ZNF471: variants seen among roughly 807,000 people sequenced by gnomAD.
ZNF471 encodes EZFIT-related protein 1.
In ZNF471, 7 loss-of-function variants were observed where a neutral mutation model predicts 13.7. The ratio of observed to expected loss-of-function variants is 0.51; its 90% CI spans 0.29 to 0.96. The LOEUF (loss-of-function observed/expected upper bound fraction) is 0.96. ZNF471 is among the 40% of genes least tolerant of loss of function. ZNF471 has a pLI of 0.08. For synonymous variants in ZNF471, 218 were observed against 235.6 expected, an observed-to-expected ratio of 0.93 and a Z score of 0.68; for missense variants, 663 against 743.3, an observed-to-expected ratio of 0.89 and a Z score of 1.26.
At chr19:56,509,228 A>G (rs1476101606) in intron 1 of ZNF471, among the ~76,000 whole-genome samples, 1 of 152,162 alleles carries the variant, frequency 6.6e-6, no homozygotes, top group Non-Finnish European at 1.5e-5. Flanking sequence ...ACTGATCATC[A>G]GTGGTCAGTG....
In ZNF471 at chr19:56,516,122, C is replaced by G. The variant is rs1386209514; in HGVS notation, c.34-153C>G. On this transcript the variant is annotated intron_variant, in intron 2 of 4. Transcript: ENST00000308031. This position sits in a 1 kb window ranked among gnomAD's most constrained non-coding sequence, Gnocchi z 4.4. ...CCATTGTACCCAATGCAGTTAAACA[C>G]TTCCATAAGTACTGTTTTGGCTTGG... Among the ~76,000 whole-genome samples the G allele has an allele frequency of 6.6e-6, 1 of 152,196 alleles. No individual in the cohort carries two copies. The highest frequency in any genetic ancestry group is 1.5e-5 in the Non-Finnish European group (1 of 68,044).
intron 4 of ZNF471, among the ~76,000 whole-genome samples, chr19:56,523,586 G>A (rs2044002796): frequency 6.6e-6 from 1 of 152,128 alleles, no homozygotes; most frequent in African/African-American, 2.4e-5. Flanking sequence ...ATAATCACAA[G>A]CCATAGGGTA....
At position 56,516,300 on chromosome 19, in the gene ZNF471, C is replaced by A. The variant is rs2043888249; in HGVS notation, c.59C>A (p.Ala20Glu). 2 of 1,613,620 alleles carry A rather than the reference C, an allele frequency of 1.2e-6. No individual in the cohort carries two copies. Among genetic ancestry groups the A allele is most frequent in the South Asian group, 1.1e-5 (1 of 91,080 alleles). The change falls in exon 3 of 5, where the codon GCA (alanine) becomes GAA (glutamate). Residue 20 changes from alanine (A) to glutamate (E), a missense_variant. Ala to Glu is a moderately radical substitution (Grantham distance 107, BLOSUM62 -1). Transcript: ENST00000308031. This position sits in a 1 kb window ranked among gnomAD's most constrained non-coding sequence, Gnocchi z 4.4. Reference protein sequence around the residue: ...PQDLVTFKDVAIDFSQEEWQW... With the variant: ...PQDLVTFKDVEIDFSQEEWQW... Reference sequence around the variant, plus strand: ...GACTTAGTGACATTCAAGGATGTGGCAATAGATTTTTCCCAGGAAGAATGG... The same window carrying A: ...GACTTAGTGACATTCAAGGATGTGGAAATAGATTTTTCCCAGGAAGAATGG...
chr19:56,516,582 C>A lies in ZNF471; in HGVS notation c.160+181C>A, dbSNP rs568413254. 2.6e-5 allele frequency among the ~76,000 whole-genome samples: 4 copies of A among 152,132 alleles called. No homozygotes were observed. Among genetic ancestry groups the A allele is most frequent in the African/African-American group, 7.2e-5 (3 of 41,432 alleles). On this transcript the variant is annotated intron_variant, in intron 3 of 4. Transcript: ENST00000308031. The surrounding 1 kb of genome is among the most constrained non-coding windows in gnomAD (Gnocchi z 4.4). ...TAGAGTTAGTGAATTTGGAGAATAT[C>A]AAATATTCCATGCATACACCCTTAA...
Position 56,518,468 on chromosome 19 carries a change from T to G in ZNF471, c.161-14T>G, listed in dbSNP as rs10416032. 423,135 of 1,604,138 alleles carry G rather than the reference T, an allele frequency of 0.26. 58,508 individuals are homozygous for G. The highest frequency in any genetic ancestry group is 0.5 in the East Asian group (22,206 of 44,762). On this transcript the variant is annotated splice_polypyrimidine_tract_variant and intron_variant, in intron 3 of 4. Transcript: ENST00000308031. The stretch of plus-strand genomic sequence containing the variant: ...AAAACATGACCAATTTTCATGTCTT[T>G]TTTTTATATGTAGGTCTTTGCATTT...
rs981919566 is a variant in ZNF471, at chr19:56,508,249, G to A, written c.-56+329G>A. ...GGTTTCTGTGTGTGTGTGTGTGTGT[G>A]TGTGACAGACCGAGAGTCCAGTGTG... On this transcript the variant is annotated intron_variant, in intron 1 of 4. Transcript: ENST00000308031. This position sits in a 1 kb window ranked among gnomAD's most constrained non-coding sequence, Gnocchi z 4.7. 1.4e-5 allele frequency: 13 copies of A among 897,026 alleles called. 1 individual carries two copies. Among genetic ancestry groups the A allele is most frequent in the Non-Finnish European group, 1.7e-5 (13 of 754,178 alleles). 55.6% of individuals were successfully genotyped at this position (897,026 alleles called of 1,614,324 possible).
intron 4 of ZNF471, among the ~76,000 whole-genome samples, chr19:56,520,427 CTG>C (rs1235405117): frequency 1.1e-4 from 17 of 152,162 alleles, no homozygotes; most frequent in Non-Finnish European, 2.9e-5. Context: ...ACTCAGCATT[CTG>C]TGTCTTTTTC....
rs1335127408 is a variant in ZNF471, at chr19:56,522,703, A to G, written c.257-1621A>G. Among the ~76,000 whole-genome samples the G allele has an allele frequency of 1.3e-5, 2 of 151,072 alleles. No individual in the cohort carries two copies. Among genetic ancestry groups the G allele is most frequent in the African/African-American group, 2.4e-5 (1 of 41,162 alleles). On this transcript the variant is annotated intron_variant, in intron 4 of 4. Coordinates refer to ENST00000308031, the MANE Select transcript of ZNF471 (RefSeq NM_020813.4). The surrounding 1 kb of genome is among the most constrained non-coding windows in gnomAD (Gnocchi z 4.1). ...ATATATGCCCAGATTTCTTCTATCT[A>G]TGGTAAGTGATGTAGCAATATATTT...
intron 1 of ZNF471, chr19:56,509,685 G>GTATTCAC: frequency 5.2e-6 from 1 of 191,858 alleles, no homozygotes; most frequent in South Asian, 1.8e-4. Flanking sequence ...CACCCACCTG[G>GTATTCAC]TATTCACTGA....
intron 4 of ZNF471, among the ~76,000 whole-genome samples, chr19:56,520,505 A>G (rs1013914652): frequency 1.3e-5 from 2 of 152,296 alleles, no homozygotes; most frequent in East Asian, 3.9e-4. Context: ...TTAACCCCAC[A>G]TTGCCTCAAT....
At chr19:56,515,170 C>T (rs12984487) in intron 2 of ZNF471, among the ~76,000 whole-genome samples, 67,325 of 151,928 alleles carry the variant, frequency 0.44, 15,140 homozygotes, top group Middle Eastern at 0.51. Context: ...TACTAGATTA[C>T]TAACCATAAG....
Position 56,516,360 on chromosome 19 carries a change from G to A in ZNF471, c.119G>A (p.Arg40Lys), listed in dbSNP as rs1449011729. The A allele has an allele frequency of 9.3e-6, 15 of 1,613,878 alleles. No homozygotes were observed. The highest frequency in any genetic ancestry group is 1.2e-5 in the Non-Finnish European group (14 of 1,179,826). Reference sequence around the variant, plus strand: ...AACCCTGCTCAGAAGCGTTTATACAGGAGTATGATGTTGGAGAACTATCAG... The same window carrying A: ...AACCCTGCTCAGAAGCGTTTATACAAGAGTATGATGTTGGAGAACTATCAG... Reference protein sequence around the residue: ...WMNPAQKRLYRSMMLENYQSL... With the variant: ...WMNPAQKRLYKSMMLENYQSL... Residue 40 changes from arginine (R) to lysine (K), a missense_variant, in exon 3 of 5, where the codon AGG becomes AAG. Coordinates refer to ENST00000308031, the MANE Select transcript of ZNF471 (RefSeq NM_020813.4). The surrounding 1 kb of genome is among the most constrained non-coding windows in gnomAD (Gnocchi z 4.4).
At chr19:56,519,616 C>T (rs543317159) in intron 4 of ZNF471, among the ~76,000 whole-genome samples, 1 of 152,174 alleles carries the variant, frequency 6.6e-6, no homozygotes, top group African/African-American at 2.4e-5. Context: ...TATGCCCTTA[C>T]AATTATGGCT....
intron 4 of ZNF471, among the ~76,000 whole-genome samples, chr19:56,519,597 A>C (rs962837945): frequency 6.6e-6 from 1 of 152,218 alleles, no homozygotes; most frequent in African/African-American, 2.4e-5. Context: ...AGAAAAGGGC[A>C]TATCAATATA....
rs8107062 is a variant in ZNF471, at chr19:56,522,135, A to G, written c.257-2189A>G. Among the ~76,000 whole-genome samples the G allele has an allele frequency of 0.78, 118,106 of 152,068 alleles. 46,760 individuals carry two copies. The highest frequency in any genetic ancestry group is 0.94 in the African/African-American group (39,068 of 41,510). On this transcript the variant is annotated intron_variant, in intron 4 of 4. Transcript: ENST00000308031. This position sits in a 1 kb window ranked among gnomAD's most constrained non-coding sequence, Gnocchi z 4.1. ...TGTGCAGCAGGCTACACCATCCATC[A>G]AGGTTTGTATAAGTACGCTCTGTAA... is the stretch of plus-strand genomic sequence containing the variant.
At chr19:56,519,328 AT>A (rs1279014438) in intron 4 of ZNF471, among the ~76,000 whole-genome samples, 1 of 152,122 alleles carries the variant, frequency 6.6e-6, no homozygotes, top group African/African-American at 2.4e-5. Context: ...ACTCAGGCAT[AT>A]GCACTTCCTG....
In ZNF471 at chr19:56,518,587, G is replaced by A. The variant is rs1238010828; in HGVS notation, c.256+10G>A. ...AGAAGCCCATTCTCAGGTGAGTGTG[G>A]AAGAACCAGAGAGGGGAATCTTTTT... is the stretch of plus-strand genomic sequence containing the variant. On this transcript the variant is annotated intron_variant, in intron 4 of 4. Transcript: ENST00000308031. The A allele has an allele frequency of 1.2e-6, 2 of 1,609,864 alleles. No individual in the cohort carries two copies. Among genetic ancestry groups the A allele is most frequent in the Non-Finnish European group, 8.5e-7 (1 of 1,177,484 alleles).
chr19:56,517,006 CT>C (rs929424742), intron 3 of ZNF471, among the ~76,000 whole-genome samples: 14 of 152,114 alleles, frequency 9.2e-5, no homozygotes, highest in African/African-American at 2.9e-4. Context: ...TTCTTCAAAT[CT>C]TTTTTTCTGT....
rs751041153 is a variant in ZNF471 at position 56,525,964 on chromosome 19, G to A, written c.*16G>A. 6.5e-6 allele frequency: 10 copies of A among 1,531,410 alleles called. No homozygotes were observed. Among genetic ancestry groups the A allele is most frequent in the Non-Finnish European group, 8.7e-6 (10 of 1,142,956 alleles). The allele number at this position is 1,531,410 out of a possible 1,614,324, so 94.9% of individuals were successfully genotyped here. ...AGAACCTTAAGAATGTAGTGCATGT[G>A]GCCAAGCCTTTAGTTATCACCAATC... On this transcript the variant is annotated 3_prime_UTR_variant, in exon 5 of 5. Coordinates refer to ENST00000308031, the MANE Select transcript of ZNF471 (RefSeq NM_020813.4).
Sources: gnomAD v4.1 joint callset for allele counts (sites outside exome capture counted in the v4.1 genomes callset) on GRCh38, gnomAD v4.1.1 for gene constraint, Gnocchi (gnomAD v3.1) non-coding constraint, MANE v1.5 for transcripts, NCBI Gene and HGNC (gene_info 2026-07-23, HGNC 2026-07-21) for gene names.